The following LCP1 variants were observed in gnomAD, a reference collection of about 807,000 sequenced individuals.
The protein encoded by LCP1 is lymphocyte cytosolic protein 1, also known as plastin-2.
LCP1 carries 23 observed loss-of-function variants against 72.0 expected under a neutral mutation model. The observed-to-expected ratio is 0.32, with a 90% CI of 0.23 to 0.45. The LOEUF (loss-of-function observed/expected upper bound fraction) is 0.45. Ranked by LOEUF, LCP1 falls within the 20% of genes least tolerant of loss-of-function variation. The pLI is 1.00. For synonymous variants in LCP1, 245 were observed against 275.4 expected (o/e 0.89, Z 1.09); for missense variants, 571 against 748.3 (o/e 0.76, Z 2.76).
At chr13:46,146,815 T>G in intron 10 of LCP1, 93 bp downstream of exon 10, 1 of 1,229,908 alleles carries the variant, frequency 8.1e-7, no homozygotes, top group Non-Finnish European at 1.2e-6. Flanking sequence ...CACATGTAAA[T>G]AGTTTATATT....
chr13:46,143,474 ACTTT>A (rs1319849258), intron 11 of LCP1, 70 bp from the exon 12 acceptor site: 2 of 960,298 alleles, frequency 2.1e-6, no homozygotes, highest in Non-Finnish European at 3.4e-6. Context: ...TGGGCCAGAC[ACTTT>A]CTTACATATT....
intron 1 of LCP1, among the ~76,000 whole-genome samples, chr13:46,160,791 A>T (rs1364529234): frequency 1.3e-5 from 2 of 152,186 alleles, no homozygotes; most frequent in African/African-American, 4.8e-5. Context: ...ACTGGTGCAG[A>T]GGGGATAAGT....
intron 4 of LCP1, among the ~76,000 whole-genome samples, chr13:46,156,933 GCCTCAGCCTCC>G (rs1369655608): frequency 1.3e-5 from 2 of 150,256 alleles, no homozygotes; most frequent in African/African-American, 4.9e-5. Flanking sequence ...CCATTCTCCT[GCCTCAGCCTCC>G]CCCGTAGCTG....
At chr13:46,157,168 T>A (rs1441268080) in intron 4 of LCP1, among the ~76,000 whole-genome samples, 2 of 151,584 alleles carry the variant, frequency 1.3e-5, no homozygotes, top group African/African-American at 4.8e-5. Context: ...GATATATATT[T>A]ACATTTAGAA....
intron 13 of LCP1, among the ~76,000 whole-genome samples, chr13:46,136,923 G>A (rs1015741552): frequency 5.9e-5 from 9 of 152,106 alleles, no homozygotes; most frequent in African/African-American, 1.7e-4. Flanking sequence ...TCATGTAAAC[G>A]GCAGCAGTGT....
intron 1 of LCP1, among the ~76,000 whole-genome samples, chr13:46,175,061 G>A (rs997102446): frequency 6.6e-6 from 1 of 152,104 alleles, no homozygotes; most frequent in African/African-American, 2.4e-5. Context: ...CCAGTTACTG[G>A]TTCTGTGACC....
In LCP1 at chr13:46,169,277, A is replaced by G. The variant is rs1329909790; in HGVS notation, c.-24-9591T>C. 2.0e-5 allele frequency among the ~76,000 whole-genome samples: 3 copies of G among 152,312 alleles called. No homozygotes were observed. The East Asian group carries it at 5.8e-4, about 29-fold the overall frequency. On this transcript the variant is annotated intron_variant, in intron 1 of 15. Coordinates refer to ENST00000323076, the MANE Select transcript of LCP1 (RefSeq NM_002298.5). ...ATGTCTTACGAATATAATTTCATGT[A>G]TGTTTCTTGTACATGAAGGGGAATT...
At chr13:46,134,893 C>G (rs7328881) in intron 13 of LCP1, among the ~76,000 whole-genome samples, 2,130 of 152,070 alleles carry the variant, frequency 0.014, 46 homozygotes, top group African/African-American at 0.047. Flanking sequence ...CACTTGAGCT[C>G]AGGAGTTCCA....
chr13:46,179,759 G>A (rs1464823800), intron 1 of LCP1, among the ~76,000 whole-genome samples: 1 of 151,926 alleles, frequency 6.6e-6, no homozygotes, highest in African/African-American at 2.4e-5. Context: ...GCGGGGGAGG[G>A]GATGGGGTAG....
chr13:46,156,668 G>T, intron 4 of LCP1, 98 bp from the exon 5 acceptor site: 1 of 1,302,284 alleles, frequency 7.7e-7, no homozygotes, highest in Non-Finnish European at 1.1e-6. Context: ...CCAGCAGAGA[G>T]ATGTGAGTTT....
intron 1 of LCP1, among the ~76,000 whole-genome samples, chr13:46,163,973 G>A (rs922076568): frequency 1.3e-5 from 2 of 152,176 alleles, no homozygotes; most frequent in Non-Finnish European, 2.9e-5. Context: ...AGGTGTTTAT[G>A]GGATTATAAG....
intron 15 of LCP1, among the ~76,000 whole-genome samples, chr13:46,129,693 T>C (rs2045622140): frequency 1.3e-5 from 2 of 152,186 alleles, no homozygotes; most frequent in Admixed American, 1.3e-4. Context: ...GTTGGGATTA[T>C]AAAGCAGGGA....
Position 46,143,333 on chromosome 13 carries a change from A to G in LCP1, c.1325T>C (p.Val442Ala). 2 of 1,613,776 alleles carry G rather than the reference A, an allele frequency of 1.2e-6. No individual in the cohort carries two copies. Among genetic ancestry groups the G allele is most frequent in the Non-Finnish European group, 1.7e-6 (2 of 1,179,754 alleles). Residue 442 changes from valine to alanine, a missense_variant, in exon 12 of 16, where the codon GTA (valine) becomes GCA (alanine). By Grantham distance (64) the Val-to-Ala change is moderately conservative. Transcript: ENST00000323076. ...CAGTTTGGGGTATGGCGGTTTGTTT[A>G]CTCTGTTCCAGTCAACAGGAACTTT... ...KIKVPVDWNR[V>A]NKPPYPKLGG...
rs74073789 is a variant in LCP1, at chr13:46,130,952, C to G, written c.1627-14G>C. ...AATCTTCGGGTCCTATGCAGAGACA[C>G]AGGGAGGGTTTCATCAACGTGTCCC... On this transcript the variant is annotated splice_polypyrimidine_tract_variant and intron_variant, in intron 14 of 15. Coordinates refer to ENST00000323076, the MANE Select transcript of LCP1 (RefSeq NM_002298.5). The G allele has an allele frequency of 1.9e-6, 3 of 1,571,442 alleles. No homozygotes were observed. The Admixed American group carries it at 6.1e-5, about 32-fold the overall frequency.
chr13:46,151,709 T>C (rs940697300), intron 7 of LCP1, among the ~76,000 whole-genome samples: 1 of 152,224 alleles, frequency 6.6e-6, no homozygotes, highest in African/African-American at 2.4e-5. Context: ...GTTTAATACA[T>C]TGGTTTTTAA....
At position 46,127,059 on chromosome 13, in the gene LCP1, C is replaced by T. The variant is rs1227294602; in HGVS notation, c.*532G>A. 1 of 231,118 alleles carries T rather than the reference C, an allele frequency of 4.3e-6. No individual in the cohort carries two copies. Among genetic ancestry groups the T allele is most frequent in the Non-Finnish European group, 8.6e-6 (1 of 116,878 alleles). 14.3% of individuals were successfully genotyped at this position (231,118 alleles called of 1,614,324 possible). A position where few individuals can be genotyped will look rare whatever the true frequency, so the allele number is the denominator to read the frequency against. Reference sequence around the variant, plus strand: ...GGACGGCCAGAAGAGATGGGCCCCCCCGGAAGGCATGGTTCCAAAAGTGTG... The same window carrying T: ...GGACGGCCAGAAGAGATGGGCCCCCTCGGAAGGCATGGTTCCAAAAGTGTG... On this transcript the variant is annotated 3_prime_UTR_variant, in exon 16 of 16. Coordinates refer to ENST00000323076, the MANE Select transcript of LCP1 (RefSeq NM_002298.5).
rs2045599976 is a variant in LCP1, at chr13:46,126,629, C to T, written c.*962G>A. On this transcript the variant is annotated 3_prime_UTR_variant, in exon 16 of 16. Coordinates refer to ENST00000323076, the MANE Select transcript of LCP1 (RefSeq NM_002298.5). ...TAGAAGCAAAAGCAAGGTAGGATTGCCTCCAAATGTTGACAGGTATTAGCC... is the reference window on the plus strand; with the variant it reads ...TAGAAGCAAAAGCAAGGTAGGATTGTCTCCAAATGTTGACAGGTATTAGCC... 8.6e-6 allele frequency: 2 copies of T among 231,632 alleles called. No individual in the cohort carries two copies. Among genetic ancestry groups the T allele is most frequent in the Admixed American group, 5.7e-5 (1 of 17,694 alleles). 14.3% of individuals were successfully genotyped at this position (231,632 alleles called of 1,614,324 possible). A position where few individuals can be genotyped will look rare whatever the true frequency, so the allele number is the denominator to read the frequency against.
intron 7 of LCP1, among the ~76,000 whole-genome samples, chr13:46,152,188 T>C (rs1054186238): frequency 6.6e-6 from 1 of 152,196 alleles, no homozygotes; most frequent in African/African-American, 2.4e-5. Flanking sequence ...TTCATTTCTC[T>C]CTCTATCTCT....
Position 46,147,097 on chromosome 13 carries a change from C to A in LCP1, c.985G>T (p.Asp329Tyr). 6.3e-7 allele frequency: 1 copy of A among 1,581,458 alleles called. No individual in the cohort carries two copies. The highest frequency in any genetic ancestry group is 8.6e-7 in the Non-Finnish European group (1 of 1,165,910). ...ATGCATTCTGCCCTCTGGATGTCAT[C>A]CTTCTCCTGCAATGCAAAAGGATGT... is the stretch of plus-strand genomic sequence containing the variant. Reference protein sequence around the residue: ...VIDMSGLREKDDIQRAECMLQ... With the variant: ...VIDMSGLREKYDIQRAECMLQ... Residue 329 changes from aspartate (D) to tyrosine (Y), a missense_variant, in exon 10 of 16, where the codon GAT becomes TAT. Coordinates refer to ENST00000323076, the MANE Select transcript of LCP1 (RefSeq NM_002298.5).
Sources: allele counts gnomAD v4.1 joint callset (sites outside exome capture counted in the v4.1 genomes callset), GRCh38; gene constraint gnomAD v4.1.1; transcripts MANE v1.5; gene names NCBI Gene and HGNC (gene_info 2026-07-23, HGNC 2026-07-21).